Variants in ABCD3 observed in about 807,000 individuals in gnomAD.
The protein encoded by ABCD3 is ATP binding cassette subfamily D member 3.
A neutral mutation model predicts 105.5 loss-of-function variants in ABCD3; 41 were observed. The ratio of observed to expected loss-of-function variants is 0.39; its 90% confidence interval spans 0.30 to 0.50. ABCD3 has a LOEUF of 0.50. ABCD3 is among the 20% of genes least tolerant of loss of function. The probability of loss-of-function intolerance (pLI) is 0.84; values close to 1 mark genes in which losing one functional copy is unlikely to be tolerated. For missense variants in ABCD3, 622 were observed against 806.3 expected (o/e 0.77, Z 2.77); for synonymous variants, 258 against 269.0 (o/e 0.96, Z 0.40).
intron 7 of ABCD3, among the ~76,000 whole-genome samples, chr1:94,476,354 GTCT>G (rs1648739658): frequency 6.6e-6 from 1 of 152,058 alleles, no homozygotes; most frequent in Non-Finnish European, 1.5e-5. Context: ...TTTTGCTGTA[GTCT>G]TCTTATTAAA....
intron 16 of ABCD3, among the ~76,000 whole-genome samples, chr1:94,498,222 C>T (rs1240399099): frequency 6.6e-6 from 1 of 152,060 alleles, no homozygotes; most frequent in African/African-American, 2.4e-5. Context: ...TGCACCACCA[C>T]ACCTGCTTAA....
chr1:94,441,679 T>A (rs1268024274), intron 1 of ABCD3, among the ~76,000 whole-genome samples: 3 of 152,178 alleles, frequency 2.0e-5, no homozygotes, highest in Non-Finnish European at 1.5e-5. Flanking sequence ...ATGAAGGTGC[T>A]TTCTATGGAC....
intron 10 of ABCD3, among the ~76,000 whole-genome samples, chr1:94,485,976 G>A (rs1179895695): frequency 6.6e-6 from 1 of 152,146 alleles, no homozygotes; most frequent in African/African-American, 2.4e-5. Context: ...CAGATCAGTT[G>A]AGGTCAGGAG....
the ABCD3 span, among the ~76,000 whole-genome samples, chr1:94,389,842 C>T: frequency 6.6e-6 from 1 of 152,142 alleles, no homozygotes; most frequent in South Asian, 2.1e-4. Context: ...TTTCTAAAGC[C>T]TCTAGAATAT....
At chr1:94,497,652 A>G (rs763059801) in intron 16 of ABCD3, among the ~76,000 whole-genome samples, 2 of 152,220 alleles carry the variant, frequency 1.3e-5, no homozygotes, top group Non-Finnish European at 2.9e-5. Context: ...TAGTGCACAT[A>G]TATTTTGATA....
At chr1:94,507,974 G>A (rs1468875285) in intron 21 of ABCD3, among the ~76,000 whole-genome samples, 1 of 147,830 alleles carries the variant, frequency 6.8e-6, no homozygotes, top group African/African-American at 2.5e-5. Flanking sequence ...TTCTTTTGCT[G>A]TGCAGAAGCT....
At chr1:94,453,047 A>G (rs1647332090) in intron 1 of ABCD3, among the ~76,000 whole-genome samples, 1 of 152,124 alleles carries the variant, frequency 6.6e-6, no homozygotes, top group South Asian at 2.1e-4. Flanking sequence ...CGGCCTTCCA[A>G]AGTGCAGGTG....
upstream of ABCD3, among the ~76,000 whole-genome samples, chr1:94,415,775 C>T (rs1658990615): frequency 1.3e-5 from 2 of 152,188 alleles, no homozygotes; most frequent in African/African-American, 4.8e-5. Flanking sequence ...TTGCTTTAGG[C>T]CTATCAAGCA....
intron 13 of ABCD3, among the ~76,000 whole-genome samples, chr1:94,489,386 C>G (rs1302120895): frequency 6.6e-6 from 1 of 152,088 alleles, no homozygotes; most frequent in Non-Finnish European, 1.5e-5. Context: ...AGAGTCCATA[C>G]TTCCTGGGTC....
chr1:94,400,160 C>T, the ABCD3 span, among the ~76,000 whole-genome samples: 1 of 152,136 alleles, frequency 6.6e-6, no homozygotes, highest in Non-Finnish European at 1.5e-5. Context: ...GTAACCCCAG[C>T]ACTTTGAGAG....
chr1:94,492,895 C>A (rs1324290626), intron 16 of ABCD3, among the ~76,000 whole-genome samples: 1 of 152,090 alleles, frequency 6.6e-6, no homozygotes, highest in South Asian at 2.1e-4. Flanking sequence ...CTGTCACTTT[C>A]TTTTTAGTTC....
chr1:94,442,210 C>G (rs1055480964), intron 1 of ABCD3, among the ~76,000 whole-genome samples: 5 of 152,140 alleles, frequency 3.3e-5, no homozygotes, highest in Non-Finnish European at 5.9e-5. Flanking sequence ...GCAATCATAT[C>G]AGAATTAAAA....
intron 15 of ABCD3, 68 bp downstream of exon 15, chr1:94,490,043 C>G (rs918606001): frequency 2.0e-5 from 28 of 1,407,340 alleles, no homozygotes; most frequent in Non-Finnish European, 2.8e-5. Flanking sequence ...CTTTCTTTTT[C>G]AGCTTACAAT....
At position 94,518,514 on chromosome 1, in the gene ABCD3, A is replaced by C. The variant is rs1017622189; in HGVS notation, c.*1385A>C. The stretch of plus-strand genomic sequence containing the variant: ...TTCAGATTAAAAAAAAAAAAAAAAA[A>C]CTCAGATATCCTATACAACCTTTGC... On this transcript the variant is annotated 3_prime_UTR_variant, in exon 23 of 23. Coordinates refer to ENST00000370214, the MANE Select transcript of ABCD3 (RefSeq NM_002858.4). 2 of 148,634 alleles carry C rather than the reference A, an allele frequency of 1.3e-5. No homozygotes were observed. Among genetic ancestry groups the C allele is most frequent in the Admixed American group, 1.4e-4 (2 of 14,666 alleles). 9.2% of individuals were successfully genotyped at this position (148,634 alleles called of 1,614,324 possible).
At chr1:94,418,123 C>G (rs748500465), upstream of ABCD3, among the ~76,000 whole-genome samples, 2 of 152,104 alleles carry the variant, frequency 1.3e-5, no homozygotes, top group Non-Finnish European at 2.9e-5. Flanking sequence ...GGTGTGCGCG[C>G]GAAGAGTGGG....
At chr1:94,460,346 C>G (rs187214754) in intron 2 of ABCD3, among the ~76,000 whole-genome samples, 2 of 152,060 alleles carry the variant, frequency 1.3e-5, no homozygotes, top group East Asian at 3.9e-4. Context: ...ATAGTATTGA[C>G]TATGTAAGGA....
chr1:94,455,801 A>G (rs1647523451), intron 1 of ABCD3: 1 of 1,279,696 alleles, frequency 7.8e-7, no homozygotes, highest in Admixed American at 2.3e-5. Context: ...CATGTGACTC[A>G]TTGGTAGGTG....
chr1:94,466,892 C>A (rs1489712915), intron 3 of ABCD3, among the ~76,000 whole-genome samples: 2 of 152,144 alleles, frequency 1.3e-5, no homozygotes, highest in Non-Finnish European at 1.5e-5. Context: ...CTCTGCAGGC[C>A]TTCTTCCCTT....
At chr1:94,509,588 G>A (rs899495199) in intron 21 of ABCD3, among the ~76,000 whole-genome samples, 2 of 152,118 alleles carry the variant, frequency 1.3e-5, no homozygotes, top group African/African-American at 4.8e-5. Context: ...TGTACCTCTG[G>A]TAGAATTCGG....
Sources: allele counts gnomAD v4.1 joint callset (sites outside exome capture counted in the v4.1 genomes callset), GRCh38; gene constraint gnomAD v4.1.1; transcripts MANE v1.5; gene names NCBI Gene and HGNC (gene_info 2026-07-23, HGNC 2026-07-21).